IRAK2: variants seen among roughly 807,000 people sequenced by gnomAD.
The protein encoded by IRAK2 is interleukin 1 receptor associated kinase 2.
A neutral mutation model predicts 72.0 loss-of-function variants in IRAK2; 57 were observed. That is an observed-to-expected ratio of 0.79 (90% CI 0.64 to 0.99). The LOEUF (loss-of-function observed/expected upper bound fraction) is 0.99. Ranked by LOEUF, IRAK2 falls within the 50% of genes least tolerant of loss-of-function variation. The pLI is 0.00. For synonymous variants in IRAK2, 293 were observed against 312.7 expected (o/e 0.94, Z 0.67); for missense variants, 790 against 794.4 (o/e 0.99, Z 0.07).
chr3:10,194,766 G>A (rs940029712), intron 2 of IRAK2, among the ~76,000 whole-genome samples: 2 of 152,128 alleles, frequency 1.3e-5, no homozygotes, highest in African/African-American at 2.4e-5. Context: ...AGATGAGGGC[G>A]GTTCATGTTT....
chr3:10,218,085 C>T (rs1697631083), intron 7 of IRAK2, among the ~76,000 whole-genome samples: 1 of 152,020 alleles, frequency 6.6e-6, no homozygotes, highest in African/African-American at 2.4e-5. Flanking sequence ...AGGGGCTGTC[C>T]AGGCCAGTTC....
chr3:10,220,641 A>G lies in IRAK2; in HGVS notation c.1013+852A>G, dbSNP rs114546805. Among the ~76,000 whole-genome samples the G allele has an allele frequency of 8.9e-3, 1,354 of 152,070 alleles. 20 individuals are homozygous for G. Among genetic ancestry groups the G allele is most frequent in the South Asian group, 0.036 (173 of 4,810 alleles). ...TATTTTTAGTAGATAGGCTTTCACC[A>G]TGTTGGCCAGGCTAGTGTCGAACTC... is the stretch of plus-strand genomic sequence containing the variant. On this transcript the variant is annotated intron_variant, in intron 8 of 12. Transcript: ENST00000256458.
At chr3:10,239,763 C>T (rs189624319) in intron 12 of IRAK2, among the ~76,000 whole-genome samples, 39 of 152,148 alleles carry the variant, frequency 2.6e-4, no homozygotes, top group Non-Finnish European at 3.8e-4. Flanking sequence ...TGCATGTCAT[C>T]CCTCGTTCAA....
chr3:10,184,922 A>G (rs1356658283), intron 2 of IRAK2, among the ~76,000 whole-genome samples: 1 of 149,738 alleles, frequency 6.7e-6, no homozygotes, highest in Non-Finnish European at 1.5e-5. Context: ...TATTTTTAGT[A>G]GAGACGGGGT....
intron 11 of IRAK2, 73 bp downstream of exon 11, chr3:10,234,732 C>T (rs1697924993): frequency 3.0e-6 from 4 of 1,319,602 alleles, no homozygotes; most frequent in Admixed American, 3.7e-5. Flanking sequence ...GGCCCCTTCG[C>T]AGAGGCCTGG....
intron 12 of IRAK2, 65 bp from the exon 13 acceptor site, chr3:10,242,049 CTT>C: frequency 1.1e-6 from 1 of 897,818 alleles, no homozygotes; most frequent in South Asian, 1.5e-5. Context: ...ATTTAAGTGA[CTT>C]TAAGAATTAT....
intron 2 of IRAK2, among the ~76,000 whole-genome samples, chr3:10,192,457 T>G (rs1334772602): frequency 6.6e-6 from 1 of 152,222 alleles, no homozygotes; most frequent in Non-Finnish European, 1.5e-5. Context: ...TAAACATCCT[T>G]TAGTCCTTTC....
intron 2 of IRAK2, among the ~76,000 whole-genome samples, chr3:10,195,175 G>C (rs1168080092): frequency 6.6e-6 from 1 of 152,250 alleles, no homozygotes; most frequent in Non-Finnish European, 1.5e-5. Flanking sequence ...ACAGAGGTCG[G>C]CCACAAATGG....
chr3:10,182,793 C>T (rs765658651), intron 2 of IRAK2, among the ~76,000 whole-genome samples: 9 of 148,100 alleles, frequency 6.1e-5, no homozygotes, highest in East Asian at 4.0e-4. Context: ...TTTTTTGAGA[C>T]GGAGTCTCTT....
chr3:10,181,158 G>C lies in IRAK2; in HGVS notation c.277+3138G>C, dbSNP rs1337355285. ...AGCACACCTTCCTCCTCAGAGTGGA[G>C]AGGGTCAGCTAGCTGCCCAGGCCAC... On this transcript the variant is annotated intron_variant, in intron 2 of 12. Transcript: ENST00000256458. Among the ~76,000 whole-genome samples, 16 of 152,262 alleles carry C rather than the reference G, an allele frequency of 1.1e-4. No homozygotes were observed. The East Asian group carries it at 1.9e-3, about 18-fold the overall frequency.
chr3:10,178,115 T>C (rs1696906824), intron 2 of IRAK2, 95 bp downstream of exon 2: 1 of 1,042,588 alleles, frequency 9.6e-7, no homozygotes, highest in South Asian at 1.6e-5. Flanking sequence ...AATACTTTTT[T>C]CCTCTTTTAA....
chr3:10,232,806 A>G (rs1319746805), intron 10 of IRAK2, among the ~76,000 whole-genome samples: 1 of 152,106 alleles, frequency 6.6e-6, no homozygotes, highest in Admixed American at 6.6e-5. Context: ...GCTCACACCT[A>G]TAATCTGAGC....
intron 2 of IRAK2, among the ~76,000 whole-genome samples, chr3:10,186,596 T>C (rs1360187362): frequency 6.6e-6 from 1 of 151,540 alleles, no homozygotes; most frequent in Non-Finnish European, 1.5e-5. Flanking sequence ...CTCTCTGTAT[T>C]TGGCAGAGAA....
chr3:10,229,061 G>A (rs1477548785), intron 10 of IRAK2, among the ~76,000 whole-genome samples: 3 of 151,894 alleles, frequency 2.0e-5, no homozygotes, highest in Non-Finnish European at 4.4e-5. Flanking sequence ...AGCCTCCTGA[G>A]TAGCTGGGAC....
At chr3:10,175,315 CG>C (rs1449343492) in intron 1 of IRAK2, among the ~76,000 whole-genome samples, 4 of 151,360 alleles carry the variant, frequency 2.6e-5, no homozygotes, top group Admixed American at 1.3e-4. Flanking sequence ...TTAGTAGAGA[CG>C]GGGTTTCACC....
At chr3:10,176,686 C>T (rs1296919043) in intron 1 of IRAK2, among the ~76,000 whole-genome samples, 2 of 150,600 alleles carry the variant, frequency 1.3e-5, no homozygotes, top group African/African-American at 4.9e-5. Flanking sequence ...ACCATGTTAG[C>T]CAGCATGGTC....
At chr3:10,165,780 G>T (rs1049031677) in intron 1 of IRAK2, among the ~76,000 whole-genome samples, 3 of 146,486 alleles carry the variant, frequency 2.0e-5, no homozygotes, top group African/African-American at 7.8e-5. Flanking sequence ...GCCCAGGCTG[G>T]AGTGCAGTGG....
At chr3:10,192,806 CT>C (rs1265659943) in intron 2 of IRAK2, among the ~76,000 whole-genome samples, 3 of 152,170 alleles carry the variant, frequency 2.0e-5, no homozygotes, top group Non-Finnish European at 2.9e-5. Context: ...GTAATCCCAG[CT>C]ACTCGGGAGG....
intron 2 of IRAK2, among the ~76,000 whole-genome samples, chr3:10,189,531 G>C (rs1697140706): frequency 6.6e-6 from 1 of 152,224 alleles, no homozygotes. Flanking sequence ...AATCCGAAGG[G>C]ATTTGGGAAG....
Sources: gnomAD v4.1 joint callset for allele counts (sites outside exome capture counted in the v4.1 genomes callset) on GRCh38, gnomAD v4.1.1 for gene constraint, MANE v1.5 for transcripts, NCBI Gene and HGNC (gene_info 2026-07-23, HGNC 2026-07-21) for gene names.